The following KHDRBS2 variants were observed in gnomAD, a reference collection of about 807,000 sequenced individuals.
KHDRBS2 encodes KH domain-containing, RNA-binding, signal transduction-associated protein 2.
Under a neutral mutation model 44.3 loss-of-function variants are expected in KHDRBS2, and 26 were observed. The observed-to-expected ratio is 0.59, with a 90% CI of 0.43 to 0.81. The LOEUF (loss-of-function observed/expected upper bound fraction) is 0.81, where lower values mean the gene tolerates loss of function less well. Among genes scored for constraint, KHDRBS2 ranks in the 40% least tolerant of loss-of-function variants. KHDRBS2 has a pLI of 0.00. For synonymous variants in KHDRBS2, 194 were observed against 151.1 expected, an observed-to-expected ratio of 1.28 and a Z score of -2.08; for missense variants, 476 against 433.1, an observed-to-expected ratio of 1.10 and a Z score of -0.88.
intron 4 of KHDRBS2, among the ~76,000 whole-genome samples, chr6:61,913,127 C>T (rs1051802212): frequency 3.3e-5 from 5 of 152,080 alleles, no homozygotes; most frequent in Admixed American, 2.0e-4. Flanking sequence ...TCTTCAAACT[C>T]TGATTAGGAG....
At chr6:61,856,762 G>T (rs1413863528) in intron 6 of KHDRBS2, among the ~76,000 whole-genome samples, 1 of 151,966 alleles carries the variant, frequency 6.6e-6, no homozygotes, top group Non-Finnish European at 1.5e-5. Context: ...GCATTTTCAT[G>T]CTAAACTCCA....
chr6:61,961,974 G>GGA (rs1252028320), intron 4 of KHDRBS2, among the ~76,000 whole-genome samples: 4 of 76,074 alleles, frequency 5.3e-5, no homozygotes, highest in African/African-American at 1.6e-4. Flanking sequence ...TATTTTATGT[G>GGA]GAGATATATA....
chr6:61,944,551 C>T (rs1192413892), intron 4 of KHDRBS2, among the ~76,000 whole-genome samples: 1 of 151,982 alleles, frequency 6.6e-6, no homozygotes, highest in African/African-American at 2.4e-5. Flanking sequence ...TAGGTACAAA[C>T]TTACAGTTAG....
At chr6:62,084,035 G>C in intron 2 of KHDRBS2, among the ~76,000 whole-genome samples, 1 of 152,224 alleles carries the variant, frequency 6.6e-6, no homozygotes, top group African/African-American at 2.4e-5. Flanking sequence ...GATATAACCA[G>C]ATATTTTGTT....
intron 1 of KHDRBS2, among the ~76,000 whole-genome samples, chr6:62,190,728 A>G (rs1824426966): frequency 6.6e-6 from 1 of 152,064 alleles, no homozygotes; most frequent in Non-Finnish European, 1.5e-5. Context: ...TCTAAAACCT[A>G]TTCTTTCACT....
At position 61,699,813 on chromosome 6, in the gene KHDRBS2, G is replaced by A. The variant is rs76115492; in HGVS notation, c.894-2560C>T. 8.6e-4 allele frequency among the ~76,000 whole-genome samples: 131 copies of A among 151,998 alleles called. No individual in the cohort carries two copies. The East Asian group carries it at 0.013, about 15-fold the overall frequency. ...ACTTCAACATAAGTGTAAAGAAGCC[G>A]AAAAAATGATTGCCTAGCTCAGCCC... On this transcript the variant is annotated intron_variant, in intron 7 of 8. Transcript: ENST00000281156.
the KHDRBS2 span, among the ~76,000 whole-genome samples, chr6:61,629,529 C>A: frequency 1.3e-5 from 2 of 152,078 alleles, no homozygotes; most frequent in African/African-American, 4.8e-5. Flanking sequence ...AAGAGACATA[C>A]CTTGTGCAGA....
At chr6:61,967,722 C>T (rs1583852232) in intron 4 of KHDRBS2, among the ~76,000 whole-genome samples, 1 of 151,538 alleles carries the variant, frequency 6.6e-6, no homozygotes, top group Admixed American at 6.6e-5. Flanking sequence ...TATTAGATTT[C>T]CTACACTGTC....
chr6:61,700,656 G>A (rs1768507792), intron 7 of KHDRBS2, among the ~76,000 whole-genome samples: 1 of 151,546 alleles, frequency 6.6e-6, no homozygotes, highest in Non-Finnish European at 1.5e-5. Flanking sequence ...CACATGGGAT[G>A]TGTGCAGAGA....
chr6:62,246,102 TTATATATATATATA>T (rs150717074), intron 1 of KHDRBS2, among the ~76,000 whole-genome samples: 22 of 124,350 alleles, frequency 1.8e-4, no homozygotes, highest in Non-Finnish European at 2.5e-4. Context: ...TCAATCAATT[TTATATATATATATA>T]TATATATATA....
intron 2 of KHDRBS2, among the ~76,000 whole-genome samples, chr6:62,176,224 A>T (rs1056929569): frequency 6.6e-6 from 1 of 151,436 alleles, no homozygotes; most frequent in African/African-American, 2.4e-5. Flanking sequence ...TTAAAAACAT[A>T]TACCTATGTA....
chr6:61,975,904 G>A (rs1190299177), intron 4 of KHDRBS2, among the ~76,000 whole-genome samples: 1 of 152,126 alleles, frequency 6.6e-6, no homozygotes, highest in African/African-American at 2.4e-5. Context: ...CTGACAGCTG[G>A]ATGCTAAGGA....
chr6:61,989,920 TG>T (rs1775810988), intron 3 of KHDRBS2, among the ~76,000 whole-genome samples: 1 of 151,762 alleles, frequency 6.6e-6, no homozygotes, highest in Non-Finnish European at 1.5e-5. Context: ...GTGACTGGGG[TG>T]GGGTTGGGGA....
intron 3 of KHDRBS2, among the ~76,000 whole-genome samples, chr6:62,030,422 C>G (rs1280500242): frequency 2.0e-5 from 3 of 151,974 alleles, no homozygotes; most frequent in African/African-American, 7.2e-5. Context: ...GTAAAACTGT[C>G]TAAATTGATG....
chr6:62,013,253 G>A (rs1336283782), intron 3 of KHDRBS2, among the ~76,000 whole-genome samples: 1 of 152,062 alleles, frequency 6.6e-6, no homozygotes, highest in Admixed American at 6.6e-5. Context: ...ACAAACCAAA[G>A]CTAGAAAATA....
intron 1 of KHDRBS2, among the ~76,000 whole-genome samples, chr6:62,206,944 C>T (rs993918754): frequency 2.6e-5 from 4 of 151,928 alleles, no homozygotes; most frequent in East Asian, 1.9e-4. Context: ...AAAAAAAGTC[C>T]GTATCTTCTC....
chr6:62,164,730 T>C (rs1474280728), intron 2 of KHDRBS2, among the ~76,000 whole-genome samples: 8 of 151,940 alleles, frequency 5.3e-5, no homozygotes, highest in Admixed American at 5.3e-4. Flanking sequence ...TGTGCCTTTG[T>C]GATATTAATT....
the KHDRBS2 span, among the ~76,000 whole-genome samples, chr6:61,613,375 A>C: frequency 6.6e-6 from 1 of 152,144 alleles, no homozygotes; most frequent in Non-Finnish European, 1.5e-5. Flanking sequence ...ATTTTTTGTC[A>C]AATCTTGATA....
chr6:61,575,809 T>C, the KHDRBS2 span, among the ~76,000 whole-genome samples: 4 of 152,076 alleles, frequency 2.6e-5, no homozygotes, highest in Non-Finnish European at 4.4e-5. Context: ...TGCAGCAACC[T>C]GGATGGAGTT....
Sources: gnomAD v4.1 joint callset for allele counts (sites outside exome capture counted in the v4.1 genomes callset) on GRCh38, gnomAD v4.1.1 for gene constraint, MANE v1.5 for transcripts, NCBI Gene and HGNC (gene_info 2026-07-23, HGNC 2026-07-21) for gene names.